The following HPSE2 variants were observed in gnomAD, a reference collection of about 807,000 sequenced individuals.
The protein encoded by HPSE2 is inactive heparanase-2.
HPSE2 carries 38 observed loss-of-function variants against 60.5 expected under a neutral mutation model. That is an observed-to-expected ratio of 0.63 (90% CI 0.48 to 0.82). The LOEUF is 0.82. Ranked by LOEUF, HPSE2 falls within the 40% of genes least tolerant of loss-of-function variation. The pLI, the probability that HPSE2 is intolerant of heterozygous loss-of-function variation, is 0.00. For missense variants in HPSE2, 713 were observed against 740.4 expected, an observed-to-expected ratio of 0.96 and a Z score of 0.43; for synonymous variants, 295 against 293.2, an observed-to-expected ratio of 1.01 and a Z score of -0.06.
At position 98,905,087 on chromosome 10, in the gene HPSE2, T is replaced by C. The variant is rs147515802; in HGVS notation, c.611-161031A>G. ...AGGAAAATAGAGAACACAGAAAACA[T>C]TCATCACATATATGGGCTAAATGCT... On this transcript the variant is annotated intron_variant, in intron 3 of 11. Coordinates refer to ENST00000370552, the MANE Select transcript of HPSE2 (RefSeq NM_021828.5). Among the ~76,000 whole-genome samples the C allele has an allele frequency of 2.2e-3, 338 of 152,168 alleles. 2 individuals carry two copies. Among genetic ancestry groups the C allele is most frequent in the Middle Eastern group, 0.01 (3 of 294 alleles).
chr10:98,665,324 G>A (rs116135296), intron 6 of HPSE2, among the ~76,000 whole-genome samples: 2,008 of 152,252 alleles, frequency 0.013, 41 homozygotes, highest in African/African-American at 0.045. Context: ...ACATTCCAGA[G>A]AGAGAAGATA....
chr10:98,926,992 T>G (rs1288271777), intron 3 of HPSE2, among the ~76,000 whole-genome samples: 1 of 152,178 alleles, frequency 6.6e-6, no homozygotes, highest in Non-Finnish European at 1.5e-5. Context: ...TTATAATTTC[T>G]GTTCTTTTAC....
chr10:98,715,255 C>A (rs747069914), intron 5 of HPSE2, among the ~76,000 whole-genome samples: 24 of 151,846 alleles, frequency 1.6e-4, no homozygotes, highest in Non-Finnish European at 1.2e-4. Flanking sequence ...TAAGAAATCA[C>A]TCCTTAAACT....
chr10:98,934,533 T>A (rs763154501), intron 3 of HPSE2, among the ~76,000 whole-genome samples: 5 of 144,572 alleles, frequency 3.5e-5, no homozygotes, highest in Admixed American at 6.9e-5. Flanking sequence ...CTTCTGCTTA[T>A]GAAACTTAGT....
At chr10:98,579,390 A>AT (rs1452416374) in intron 9 of HPSE2, among the ~76,000 whole-genome samples, 2 of 152,188 alleles carry the variant, frequency 1.3e-5, no homozygotes, top group African/African-American at 2.4e-5. Context: ...CTCACTGAAG[A>AT]TTTAAAGAGT....
At chr10:99,212,263 C>T (rs1474538276) in intron 2 of HPSE2, among the ~76,000 whole-genome samples, 2 of 151,832 alleles carry the variant, frequency 1.3e-5, no homozygotes, top group East Asian at 1.9e-4. Context: ...GAAAACAGTA[C>T]GGAAGTTCCT....
At chr10:98,921,187 T>A (rs936507154) in intron 3 of HPSE2, among the ~76,000 whole-genome samples, 3 of 152,152 alleles carry the variant, frequency 2.0e-5, no homozygotes, top group African/African-American at 7.2e-5. Context: ...TTGTTAGGAC[T>A]AAATGGGCCA....
chr10:99,103,068 G>A lies in HPSE2; in HGVS notation c.610+41170C>T, dbSNP rs189421624. ...ACTGGAAGCATTCCCTTTGAAAACCGGCATAAGACAGGGATGCCCTTTCTC... is the reference window on the plus strand; with the variant it reads ...ACTGGAAGCATTCCCTTTGAAAACCAGCATAAGACAGGGATGCCCTTTCTC... On this transcript the variant is annotated intron_variant, in intron 3 of 11. Transcript: ENST00000370552. Among the ~76,000 whole-genome samples the A allele has an allele frequency of 3.4e-3, 511 of 152,238 alleles. 2 individuals carry two copies. The highest frequency in any genetic ancestry group is 0.012 in the African/African-American group (488 of 41,546).
chr10:98,954,834 G>A (rs1196139724), intron 3 of HPSE2, among the ~76,000 whole-genome samples: 1 of 151,876 alleles, frequency 6.6e-6, no homozygotes, highest in Non-Finnish European at 1.5e-5. Context: ...TTATGTGATA[G>A]TGAAACTACC....
intron 7 of HPSE2, among the ~76,000 whole-genome samples, chr10:98,638,163 A>AAG (rs1554960094): frequency 5.7e-5 from 8 of 140,628 alleles, no homozygotes; most frequent in South Asian, 4.5e-4. Context: ...AAAAAAAAAA[A>AAG]GGCTGGGTGC....
At chr10:98,550,624 C>A (rs766453761) in intron 9 of HPSE2, among the ~76,000 whole-genome samples, 1 of 152,054 alleles carries the variant, frequency 6.6e-6, no homozygotes. Context: ...CCCGCCACCA[C>A]GCCTGGCTAA....
chr10:98,516,217 G>C (rs138149438), intron 9 of HPSE2, among the ~76,000 whole-genome samples: 4 of 152,284 alleles, frequency 2.6e-5, no homozygotes, highest in African/African-American at 7.2e-5. Flanking sequence ...CCTATAAAGA[G>C]GTACTGTTGT....
At chr10:98,677,895 G>A (rs2134128725) in intron 6 of HPSE2, among the ~76,000 whole-genome samples, 1 of 152,242 alleles carries the variant, frequency 6.6e-6, no homozygotes, top group East Asian at 1.9e-4. Flanking sequence ...TCCAATAGAT[G>A]CTATTATTAG....
intron 3 of HPSE2, among the ~76,000 whole-genome samples, chr10:99,043,758 AG>A (rs2135481629): frequency 6.6e-6 from 1 of 152,308 alleles, no homozygotes; most frequent in South Asian, 2.1e-4. Flanking sequence ...GACCAAACTG[AG>A]GAAAGAATCA....
intron 3 of HPSE2, among the ~76,000 whole-genome samples, chr10:98,830,388 A>T (rs1449005267): frequency 2.0e-5 from 3 of 152,178 alleles, no homozygotes; most frequent in African/African-American, 7.2e-5. Context: ...ACTTAACTGG[A>T]AGGAGGGGAC....
intron 3 of HPSE2, among the ~76,000 whole-genome samples, chr10:98,871,070 T>C (rs901132433): frequency 2.6e-5 from 4 of 152,100 alleles, no homozygotes; most frequent in African/African-American, 9.7e-5. Flanking sequence ...CAGAAGCAGA[T>C]GCTGGTACTA....
intron 3 of HPSE2, among the ~76,000 whole-genome samples, chr10:98,852,113 A>ATGTGTGTGTGTGTG (rs1555017138): frequency 1.3e-4 from 12 of 91,958 alleles, no homozygotes; most frequent in African/African-American, 4.6e-4. Flanking sequence ...GTATATTATG[A>ATGTGTGTGTGTGTG]TGTGTGTGTG....
chr10:99,272,283 A>G, the HPSE2 span, among the ~76,000 whole-genome samples: 1 of 151,684 alleles, frequency 6.6e-6, no homozygotes, highest in African/African-American at 2.4e-5. Flanking sequence ...AAAAAAAAAA[A>G]ATCAACTCAA....
At chr10:98,916,710 T>G (rs138208128) in intron 3 of HPSE2, among the ~76,000 whole-genome samples, 1 of 152,358 alleles carries the variant, frequency 6.6e-6, no homozygotes, top group African/African-American at 2.4e-5. Context: ...CTTGATTTCT[T>G]TCAACATAAA....
Sources: gnomAD v4.1 joint callset for allele counts (sites outside exome capture counted in the v4.1 genomes callset) on GRCh38, gnomAD v4.1.1 for gene constraint, MANE v1.5 for transcripts, NCBI Gene and HGNC (gene_info 2026-07-23, HGNC 2026-07-21) for gene names.